Variants in RNF150 observed in about 807,000 individuals in gnomAD.
RNF150 encodes ring finger protein 150.
In RNF150, 24 loss-of-function variants were observed where a neutral mutation model predicts 39.3. The ratio of observed to expected loss-of-function variants is 0.61; its 90% confidence interval spans 0.44 to 0.86. RNF150 has a LOEUF of 0.86. Ranked by LOEUF, RNF150 falls within the 40% of genes least tolerant of loss-of-function variation. The pLI is 0.00. For missense variants in RNF150, 502 were observed against 587.8 expected, an observed-to-expected ratio of 0.85 and a Z score of 1.51; for synonymous variants, 255 against 227.3, an observed-to-expected ratio of 1.12 and a Z score of -1.10.
chr4:141,167,714 T>C (rs996814078), intron 1 of RNF150, among the ~76,000 whole-genome samples: 2 of 152,156 alleles, frequency 1.3e-5, no homozygotes, highest in African/African-American at 4.8e-5. Flanking sequence ...ATTTAGTAAA[T>C]GGTGTTGGGA....
intron 1 of RNF150, among the ~76,000 whole-genome samples, chr4:141,000,315 T>C (rs909829560): frequency 6.6e-6 from 1 of 152,162 alleles, no homozygotes; most frequent in African/African-American, 2.4e-5. Flanking sequence ...AACAAGATGG[T>C]AATGTATCTA....
At chr4:140,888,941 G>A (rs1249821101) in intron 6 of RNF150, among the ~76,000 whole-genome samples, 1 of 152,106 alleles carries the variant, frequency 6.6e-6, no homozygotes, top group African/African-American at 2.4e-5. Context: ...CACTTCATAC[G>A]AAGGAGATAG....
chr4:141,138,525 T>C (rs1727064239), intron 1 of RNF150, among the ~76,000 whole-genome samples: 1 of 152,218 alleles, frequency 6.6e-6, no homozygotes, highest in Non-Finnish European at 1.5e-5. Flanking sequence ...TTATTATTTT[T>C]TTAATCAATT....
At chr4:140,920,986 C>T (rs1731101019) in intron 5 of RNF150, among the ~76,000 whole-genome samples, 1 of 151,464 alleles carries the variant, frequency 6.6e-6, no homozygotes, top group Non-Finnish European at 1.5e-5. Context: ...GAATTGAACA[C>T]TGAGAATACA....
chr4:140,993,436 C>T (rs1461616802), intron 1 of RNF150, among the ~76,000 whole-genome samples: 2 of 152,168 alleles, frequency 1.3e-5, no homozygotes, highest in Non-Finnish European at 2.9e-5. Flanking sequence ...TGGGAAGTCC[C>T]TTTTGACATG....
chr4:140,942,727 T>A (rs2111360990), intron 4 of RNF150, among the ~76,000 whole-genome samples: 1 of 152,326 alleles, frequency 6.6e-6, no homozygotes, highest in South Asian at 2.1e-4. Flanking sequence ...CCCTTGGCCA[T>A]CCTGGTGCTC....
intron 6 of RNF150, among the ~76,000 whole-genome samples, chr4:140,899,958 CTCTCTCTCTCTCTCTCTGTGTGTGTGTG>C (rs923603256): frequency 8.7e-6 from 1 of 115,504 alleles, no homozygotes. Flanking sequence ...CTCTCTCTCT[CTCTCTCTCTCTCTCTCTGTGTGTGTGTG>C]TGTGTGTGTG....
chr4:141,026,300 T>C (rs1215023173), intron 1 of RNF150, among the ~76,000 whole-genome samples: 1 of 152,102 alleles, frequency 6.6e-6, no homozygotes, highest in Non-Finnish European at 1.5e-5. Flanking sequence ...AAAGACACAT[T>C]GAGAAAAGAA....
At chr4:141,000,038 G>GAAGAAAAGAAGAAAAGAAGAAAAGAAGAA (rs1734581011) in intron 1 of RNF150, among the ~76,000 whole-genome samples, 1 of 54,374 alleles carries the variant, frequency 1.8e-5, no homozygotes, top group Non-Finnish European at 4.8e-5. Context: ...AGAAGAAGAA[G>GAAGAAAAGAAGAAAAGAAGAAAAGAAGAA]AAGAAGAAGA....
chr4:140,903,138 G>A (rs2111254754), intron 6 of RNF150, among the ~76,000 whole-genome samples: 1 of 152,290 alleles, frequency 6.6e-6, no homozygotes, highest in East Asian at 1.9e-4. Context: ...AATGCAGAAA[G>A]GGTAAGTGAC....
At chr4:141,186,798 A>T (rs1728021009) in intron 1 of RNF150, among the ~76,000 whole-genome samples, 1 of 152,184 alleles carries the variant, frequency 6.6e-6, no homozygotes, top group Non-Finnish European at 1.5e-5. Flanking sequence ...TTTTCAAAAA[A>T]AACCAGCTCC....
intron 1 of RNF150, among the ~76,000 whole-genome samples, chr4:141,090,946 G>T (rs1397055593): frequency 6.6e-6 from 1 of 152,196 alleles, no homozygotes; most frequent in Non-Finnish European, 1.5e-5. Context: ...TCTGTTGGCT[G>T]CTTGTTTTCA....
intron 1 of RNF150, among the ~76,000 whole-genome samples, chr4:141,037,526 G>C (rs1393450792): frequency 6.6e-6 from 1 of 152,058 alleles, no homozygotes; most frequent in Non-Finnish European, 1.5e-5. Context: ...AAAAATGTTA[G>C]AATTTCCAAA....
At chr4:140,998,779 G>A (rs552352865) in intron 1 of RNF150, among the ~76,000 whole-genome samples, 1 of 152,334 alleles carries the variant, frequency 6.6e-6, no homozygotes, top group South Asian at 2.1e-4. Context: ...TGTGAACTCT[G>A]CAGGATCTGT....
chr4:141,188,662 T>C (rs1346607173), intron 1 of RNF150, among the ~76,000 whole-genome samples: 1 of 152,230 alleles, frequency 6.6e-6, no homozygotes. Flanking sequence ...TTGTGTACAC[T>C]TCACGAAGGT....
chr4:141,208,442 T>C (rs527451590), intron 1 of RNF150, among the ~76,000 whole-genome samples: 11 of 152,354 alleles, frequency 7.2e-5, no homozygotes, highest in Admixed American at 4.6e-4. Context: ...ATTTACAAAG[T>C]GAAATTGCAA....
intron 1 of RNF150, among the ~76,000 whole-genome samples, chr4:141,130,346 T>C (rs766268395): frequency 6.6e-6 from 1 of 151,806 alleles, no homozygotes; most frequent in Admixed American, 6.5e-5. Flanking sequence ...TGGAGTTTCC[T>C]GGCCATTGGC....
At position 141,132,220 on chromosome 4, in the gene RNF150, G is replaced by A. The variant is rs1726910530; in HGVS notation, c.484+105C>T. ...TCCAGGGAACCCAGACACGTCTTCC[G>A]CGCCGCACGGACTTCCCAGAAGGAG... On this transcript the variant is annotated intron_variant, in intron 1 of 6. Transcript: ENST00000515673. This position sits in a 1 kb window ranked among gnomAD's most constrained non-coding sequence, Gnocchi z 4.9. 9.0e-6 allele frequency: 11 copies of A among 1,226,238 alleles called. No homozygotes were observed. The highest frequency in any genetic ancestry group is 4.6e-5 in the African/African-American group (3 of 65,570). 76.0% of individuals were successfully genotyped at this position (1,226,238 alleles called of 1,614,324 possible). A position where few individuals can be genotyped will look rare whatever the true frequency, so the allele number is the denominator to read the frequency against.
chr4:140,978,183 A>T (rs979570325), intron 1 of RNF150, among the ~76,000 whole-genome samples: 4 of 152,190 alleles, frequency 2.6e-5, no homozygotes, highest in Admixed American at 2.6e-4. Context: ...TAAGGCTCAT[A>T]TAAGTTGCTG....
Sources: gnomAD v4.1 joint callset for allele counts (sites outside exome capture counted in the v4.1 genomes callset) on GRCh38, gnomAD v4.1.1 for gene constraint, Gnocchi (gnomAD v3.1) non-coding constraint, MANE v1.5 for transcripts, NCBI Gene and HGNC (gene_info 2026-07-23, HGNC 2026-07-21) for gene names.